The following TMEM132D variants were observed in gnomAD, a reference collection of about 807,000 sequenced individuals.
TMEM132D encodes the protein mature OL transmembrane protein.
In TMEM132D, 21 loss-of-function variants were observed where a neutral mutation model predicts 62.3. The ratio of observed to expected loss-of-function variants is 0.34; its 90% CI spans 0.24 to 0.49. The LOEUF is 0.49. Among genes scored for constraint, TMEM132D ranks in the 20% least tolerant of loss-of-function variants. The pLI, the probability that TMEM132D is intolerant of heterozygous loss-of-function variation, is 0.99. For missense variants in TMEM132D, 1,346 were observed against 1,402.8 expected, an observed-to-expected ratio of 0.96 and a Z score of 0.65; for synonymous variants, 621 against 575.6, an observed-to-expected ratio of 1.08 and a Z score of -1.13.
In TMEM132D at chr12:129,607,166, G is replaced by C. The variant is rs184123874; in HGVS notation, c.969-75961C>G. Among the ~76,000 whole-genome samples the C allele has an allele frequency of 1.1e-3, 173 of 151,978 alleles. 2 individuals are homozygous for C. The highest frequency in any genetic ancestry group is 4.6e-4 in the Non-Finnish European group (31 of 67,972). On this transcript the variant is annotated intron_variant, in intron 2 of 8. Coordinates refer to ENST00000422113, the MANE Select transcript of TMEM132D (RefSeq NM_133448.3). ...AGAAGAACTCACAGAATGTGGCAAA[G>C]CTGGTATCCTCACCATCACAGTTTA... is the stretch of plus-strand genomic sequence containing the variant.
At chr12:129,598,983 G>T (rs574490786) in intron 2 of TMEM132D, among the ~76,000 whole-genome samples, 1 of 152,156 alleles carries the variant, frequency 6.6e-6, no homozygotes, top group Non-Finnish European at 1.5e-5. Flanking sequence ...ACCAATCACA[G>T]AAAATGCTTA....
chr12:129,613,313 G>A (rs540801713), intron 2 of TMEM132D, among the ~76,000 whole-genome samples: 27 of 152,194 alleles, frequency 1.8e-4, no homozygotes, highest in Admixed American at 1.2e-3. Context: ...CCGAATTCCT[G>A]CATTGTAACA....
Position 129,657,420 on chromosome 12 carries a change from C to G in TMEM132D, c.968+42390G>C, listed in dbSNP as rs1310834304. On this transcript the variant is annotated intron_variant, in intron 2 of 8. Coordinates refer to ENST00000422113, the MANE Select transcript of TMEM132D (RefSeq NM_133448.3). ...GATGGGGCTGATCTCACATTTCCAC[C>G]GTCAACTGGTTAAGTCAGAAAACAA... Among the ~76,000 whole-genome samples, 3 of 152,040 alleles carry G rather than the reference C, an allele frequency of 2.0e-5. 1 individual carries two copies. Among genetic ancestry groups the G allele is most frequent in the South Asian group, 4.2e-4 (2 of 4,810 alleles).
chr12:129,216,503 C>T (rs961706935), intron 4 of TMEM132D, among the ~76,000 whole-genome samples: 4 of 152,038 alleles, frequency 2.6e-5, no homozygotes, highest in Non-Finnish European at 4.4e-5. Context: ...GTGATCCATC[C>T]GTAAGCTGAG....
chr12:129,660,853 C>T (rs1188506808), intron 2 of TMEM132D, among the ~76,000 whole-genome samples: 1 of 152,158 alleles, frequency 6.6e-6, no homozygotes, highest in Non-Finnish European at 1.5e-5. Flanking sequence ...TTCACACTCT[C>T]ATGTTCTCAA....
intron 8 of TMEM132D, among the ~76,000 whole-genome samples, chr12:129,077,803 ACAC>A (rs1298356275): frequency 9.0e-6 from 1 of 110,760 alleles, no homozygotes; most frequent in Non-Finnish European, 2.3e-5. Flanking sequence ...TGCCTATACA[ACAC>A]AAGCACACAT....
intron 3 of TMEM132D, among the ~76,000 whole-genome samples, chr12:129,487,004 G>C (rs978353410): frequency 6.0e-5 from 9 of 149,800 alleles, no homozygotes; most frequent in African/African-American, 1.2e-4. Flanking sequence ...CGTGGCTGGA[G>C]AGTTGATGTC....
chr12:129,320,042 G>C (rs12313131), intron 4 of TMEM132D, among the ~76,000 whole-genome samples: 34,479 of 152,066 alleles, frequency 0.23, 4,918 homozygotes, highest in East Asian at 0.41. Context: ...TGAGGACCAG[G>C]CTGTGAAAAG....
At chr12:129,363,617 A>T (rs146320782) in intron 3 of TMEM132D, among the ~76,000 whole-genome samples, 69 of 152,298 alleles carry the variant, frequency 4.5e-4, no homozygotes, top group South Asian at 2.5e-3. Context: ...GAAAGAGATG[A>T]TTCTGTTTCT....
intron 2 of TMEM132D, among the ~76,000 whole-genome samples, chr12:129,538,317 G>A (rs1876463632): frequency 1.3e-5 from 2 of 152,160 alleles, no homozygotes; most frequent in Admixed American, 1.3e-4. Context: ...TATATAAATA[G>A]GATCATGCCG....
At chr12:129,338,667 T>C (rs1169617620) in intron 3 of TMEM132D, among the ~76,000 whole-genome samples, 1 of 152,194 alleles carries the variant, frequency 6.6e-6, no homozygotes, top group Non-Finnish European at 1.5e-5. Flanking sequence ...AGGTACTTTT[T>C]AAAGCCTCAG....
chr12:129,273,407 A>G (rs776260469), intron 4 of TMEM132D, among the ~76,000 whole-genome samples: 2 of 148,630 alleles, frequency 1.3e-5, no homozygotes, highest in Non-Finnish European at 3.0e-5. Flanking sequence ...TGCTGAGTAT[A>G]TACCCAAAGG....
intron 2 of TMEM132D, among the ~76,000 whole-genome samples, chr12:129,653,680 C>T (rs1879990321): frequency 6.6e-6 from 1 of 152,178 alleles, no homozygotes; most frequent in African/African-American, 2.4e-5. Flanking sequence ...CCCTACAGAG[C>T]TCCTTTTAAA....
intron 1 of TMEM132D, among the ~76,000 whole-genome samples, chr12:129,851,099 T>C (rs1414810669): frequency 2.0e-5 from 3 of 152,204 alleles, no homozygotes; most frequent in Non-Finnish European, 4.4e-5. Flanking sequence ...AAAATATAGC[T>C]TTCATTCTGA....
intron 3 of TMEM132D, among the ~76,000 whole-genome samples, chr12:129,346,312 A>G (rs1869685822): frequency 1.3e-5 from 2 of 151,782 alleles, no homozygotes; most frequent in South Asian, 2.1e-4. Flanking sequence ...TATTTTGTCT[A>G]TTTGATTCTT....
intron 4 of TMEM132D, among the ~76,000 whole-genome samples, chr12:129,333,238 T>A (rs1288342218): frequency 2.0e-5 from 3 of 152,228 alleles, no homozygotes; most frequent in Admixed American, 2.0e-4. Flanking sequence ...GCATAGCAAG[T>A]GGAATTTTAA....
intron 1 of TMEM132D, among the ~76,000 whole-genome samples, chr12:129,758,863 A>G (rs921365051): frequency 6.6e-6 from 1 of 152,222 alleles, no homozygotes; most frequent in Non-Finnish European, 1.5e-5. Context: ...TAGTAATTTT[A>G]TAGAGGTACA....
chr12:129,663,083 C>T (rs866678073), intron 2 of TMEM132D, among the ~76,000 whole-genome samples: 12 of 151,840 alleles, frequency 7.9e-5, no homozygotes, highest in African/African-American at 1.7e-4. Flanking sequence ...AATAGGACAC[C>T]GTTCCAGGCA....
rs149994662 is a variant in TMEM132D at position 129,308,178 on chromosome 12, G to A, written c.1299+29456C>T. Among the ~76,000 whole-genome samples, 551 of 152,132 alleles carry A rather than the reference G, an allele frequency of 3.6e-3. 4 individuals are homozygous for A. The highest frequency in any genetic ancestry group is 0.012 in the African/African-American group (516 of 41,494). On this transcript the variant is annotated intron_variant, in intron 4 of 8. Coordinates refer to ENST00000422113, the MANE Select transcript of TMEM132D (RefSeq NM_133448.3). ...CCTCTTTACCTAATCTTTAATTCTC[G>A]ATCACAATATTGTTATATGTTAAAG...
Sources: gnomAD v4.1 joint callset for allele counts (sites outside exome capture counted in the v4.1 genomes callset) on GRCh38, gnomAD v4.1.1 for gene constraint, MANE v1.5 for transcripts, NCBI Gene and HGNC (gene_info 2026-07-23, HGNC 2026-07-21) for gene names.